The following CNBD1 variants were observed in gnomAD, a reference collection of about 807,000 sequenced individuals.
The protein encoded by CNBD1 is cyclic nucleotide binding domain containing 1, also known as cyclic nucleotide-binding domain-containing protein 1.
Under a neutral mutation model 54.4 loss-of-function variants are expected in CNBD1, and 71 were observed. The observed-to-expected ratio is 1.30, with a 90% CI of 1.08 to 1.59. The LOEUF (loss-of-function observed/expected upper bound fraction) is 1.59, where lower values mean the gene tolerates loss of function less well. Among genes scored for constraint, CNBD1 ranks in the 40% most tolerant of loss-of-function variants. The pLI, the probability that CNBD1 is intolerant of heterozygous loss-of-function variation, is 0.00. For missense variants in CNBD1, 659 were observed against 518.0 expected (o/e 1.27, Z -2.64); for synonymous variants, 182 against 170.7 (o/e 1.07, Z -0.51).
chr8:87,419,120 A>G (rs555436521), intron 2 of CNBD1, among the ~76,000 whole-genome samples: 7 of 151,852 alleles, frequency 4.6e-5, no homozygotes, highest in Non-Finnish European at 1.0e-4. Flanking sequence ...TTCATTCATA[A>G]AAATTAATGA....
At chr8:87,324,028 G>T (rs1184692509) in intron 8 of CNBD1, among the ~76,000 whole-genome samples, 3 of 127,020 alleles carry the variant, frequency 2.4e-5, no homozygotes, top group Admixed American at 2.3e-4. Context: ...GTTGAATTTT[G>T]TCAAAGGCTT....
chr8:86,921,143 C>A (rs1378752434), intron 3 of CNBD1, among the ~76,000 whole-genome samples: 8 of 152,128 alleles, frequency 5.3e-5, no homozygotes, highest in Non-Finnish European at 1.0e-4. Context: ...GCTGAAATTA[C>A]CCATATGATA....
At chr8:87,004,031 T>C (rs914272744) in intron 4 of CNBD1, among the ~76,000 whole-genome samples, 2 of 152,146 alleles carry the variant, frequency 1.3e-5, no homozygotes, top group Non-Finnish European at 2.9e-5. Context: ...CAAAAAAACC[T>C]TCAGAATTAA....
intron 3 of CNBD1, among the ~76,000 whole-genome samples, chr8:86,909,779 T>C (rs1809073851): frequency 6.6e-6 from 1 of 152,254 alleles, no homozygotes; most frequent in Non-Finnish European, 1.5e-5. Flanking sequence ...AAAGTTATGA[T>C]GCTTGTAGTT....
chr8:87,041,368 A>G (rs1415980187), intron 4 of CNBD1, among the ~76,000 whole-genome samples: 4 of 152,172 alleles, frequency 2.6e-5, no homozygotes, highest in Non-Finnish European at 5.9e-5. Context: ...TAGCCAGTGT[A>G]AAAGTCTCAG....
At chr8:87,320,183 A>G (rs1220844222) in intron 8 of CNBD1, among the ~76,000 whole-genome samples, 3 of 152,092 alleles carry the variant, frequency 2.0e-5, no homozygotes, top group Admixed American at 6.6e-5. Flanking sequence ...TAACTCTCTT[A>G]TACTAGCTTA....
At chr8:87,231,376 C>G (rs1262324402) in intron 5 of CNBD1, among the ~76,000 whole-genome samples, 2 of 152,026 alleles carry the variant, frequency 1.3e-5, no homozygotes, top group East Asian at 3.9e-4. Context: ...AATTCTATGT[C>G]AAATTACAAA....
chr8:87,171,354 G>A (rs1416910777), intron 4 of CNBD1, among the ~76,000 whole-genome samples: 1 of 151,598 alleles, frequency 6.6e-6, no homozygotes, highest in Non-Finnish European at 1.5e-5. Context: ...AATTTCTGTG[G>A]TATTGGTTGT....
intron 8 of CNBD1, among the ~76,000 whole-genome samples, chr8:87,296,865 T>C (rs1808885428): frequency 6.6e-6 from 1 of 152,070 alleles, no homozygotes; most frequent in South Asian, 2.1e-4. Context: ...TTAAATTTTC[T>C]AGCACATACA....
chr8:87,326,516 T>C (rs1809672431), intron 8 of CNBD1, among the ~76,000 whole-genome samples: 1 of 120,096 alleles, frequency 8.3e-6, no homozygotes, highest in South Asian at 2.5e-4. Flanking sequence ...TTTATTCTTT[T>C]TTCTCTAACC....
chr8:87,156,980 A>C (rs1812755722), intron 4 of CNBD1, among the ~76,000 whole-genome samples: 1 of 152,158 alleles, frequency 6.6e-6, no homozygotes, highest in South Asian at 2.1e-4. Flanking sequence ...AATTAGCACC[A>C]ATCAAAACTT....
At chr8:87,392,854 T>G (rs1811335434) in intron 2 of CNBD1, among the ~76,000 whole-genome samples, 1 of 151,910 alleles carries the variant, frequency 6.6e-6, no homozygotes, top group African/African-American at 2.4e-5. Context: ...TTCTAAGAGA[T>G]GATGATGTCT....
Position 86,957,466 on chromosome 8 carries a change from T to C in CNBD1, c.431+17712T>C, listed in dbSNP as rs558142607. Among the ~76,000 whole-genome samples, 5 of 152,280 alleles carry C rather than the reference T, an allele frequency of 3.3e-5. No homozygotes were observed. The South Asian group carries it at 1.0e-3, about 32-fold the overall frequency. ...TGTGAATCCAGCTGGTCCTGGACTT[T>C]TTTTGGTTGGTAGGCTATTAATTAT... On this transcript the variant is annotated intron_variant, in intron 4 of 10. Transcript: ENST00000518476.
At chr8:87,402,539 A>T (rs1468476216) in intron 2 of CNBD1, among the ~76,000 whole-genome samples, 2 of 152,066 alleles carry the variant, frequency 1.3e-5, no homozygotes, top group Non-Finnish European at 2.9e-5. Flanking sequence ...GGACATAAGG[A>T]CCGAGCATGA....
chr8:87,374,332 G>T (rs79557091), intron 10 of CNBD1, among the ~76,000 whole-genome samples: 3 of 151,730 alleles, frequency 2.0e-5, no homozygotes, highest in African/African-American at 7.3e-5. Flanking sequence ...TAGGAAGCCT[G>T]TAATAAAATA....
intron 6 of CNBD1, among the ~76,000 whole-genome samples, chr8:87,279,577 T>G (rs1249911453): frequency 6.6e-6 from 1 of 151,382 alleles, no homozygotes; most frequent in Non-Finnish European, 1.5e-5. Context: ...AGCTGTACTA[T>G]AGTAGGCAAA....
intron 8 of CNBD1, among the ~76,000 whole-genome samples, chr8:87,340,806 T>C (rs1394523723): frequency 1.3e-5 from 2 of 152,118 alleles, no homozygotes; most frequent in African/African-American, 2.4e-5. Flanking sequence ...TTTTATTTTG[T>C]TCACATATTG....
intron 10 of CNBD1, among the ~76,000 whole-genome samples, chr8:87,360,729 G>A (rs1376709335): frequency 6.6e-6 from 1 of 151,742 alleles, no homozygotes; most frequent in Non-Finnish European, 1.5e-5. Flanking sequence ...ACTTATGATT[G>A]AAAAATAAGG....
intron 8 of CNBD1, among the ~76,000 whole-genome samples, chr8:87,342,747 A>G (rs1336553195): frequency 6.6e-6 from 1 of 152,158 alleles, no homozygotes; most frequent in Non-Finnish European, 1.5e-5. Flanking sequence ...GGGGCACACG[A>G]ACAGGGAGTA....
Sources: gnomAD v4.1 joint callset for allele counts (sites outside exome capture counted in the v4.1 genomes callset) on GRCh38, gnomAD v4.1.1 for gene constraint, MANE v1.5 for transcripts, NCBI Gene and HGNC (gene_info 2026-07-23, HGNC 2026-07-21) for gene names.